CCDC122: variants seen among roughly 807,000 people sequenced by gnomAD.
The protein encoded by CCDC122 is coiled-coil domain-containing protein 122.
CCDC122 carries 38 observed loss-of-function variants against 37.0 expected under a neutral mutation model. That is an observed-to-expected ratio of 1.03 (90% CI 0.79 to 1.35). CCDC122 has a LOEUF of 1.35. Ranked by LOEUF, CCDC122 falls within the 40% of genes most tolerant of loss-of-function variation. CCDC122 has a pLI of 0.00. For synonymous variants in CCDC122, 83 were observed against 95.6 expected (o/e 0.87, Z 0.77); for missense variants, 305 against 310.0 (o/e 0.98, Z 0.12).
chr13:43,864,692 C>A (rs2153877029), intron 4 of CCDC122, among the ~76,000 whole-genome samples: 1 of 152,300 alleles, frequency 6.6e-6, no homozygotes, highest in African/African-American at 2.4e-5. Flanking sequence ...CCATCTCCAA[C>A]ACTAGGGATT....
At chr13:43,877,835 T>A (rs1954683438) in intron 1 of CCDC122, 1 of 152,168 alleles carries the variant, frequency 6.6e-6, no homozygotes, top group Non-Finnish European at 1.5e-5. Context: ...AAGCAAAACA[T>A]GCTCAGGCCT....
At chr13:43,871,862 T>C (rs1290764736) in intron 2 of CCDC122, among the ~76,000 whole-genome samples, 1 of 152,138 alleles carries the variant, frequency 6.6e-6, no homozygotes, top group African/African-American at 2.4e-5. Flanking sequence ...GGCCATAGAC[T>C]ATATAGGCTT....
At chr13:43,846,287 T>TG (rs1385669803) in intron 6 of CCDC122, among the ~76,000 whole-genome samples, 1 of 152,170 alleles carries the variant, frequency 6.6e-6, no homozygotes, top group Non-Finnish European at 1.5e-5. Flanking sequence ...TTGGCCAGGC[T>TG]GGTCTCAAAC....
rs778731992 is a variant in CCDC122, at chr13:43,859,966, T to C, written c.261A>G (p.Lys87=). The change falls in exon 5 of 7, where the codon AAA becomes AAG. Residue 87 remains lysine (K), a synonymous_variant. Transcript: ENST00000444614. ...GAGTTTCCAGGCTATCACAATGAAG[T>C]TTGGTATTCTCTATGGCAGAATCTT... ...YQQDSAIENT[K]LHCDSLETQI... is the part of the protein sequence containing the mutation. 1 of 1,610,776 alleles carries C rather than the reference T, an allele frequency of 6.2e-7. No homozygotes were observed. The highest frequency in any genetic ancestry group is 2.2e-5 in the East Asian group (1 of 44,668).
chr13:43,830,418 G>C (rs935686340), intron 3 of CCDC122, among the ~76,000 whole-genome samples: 3 of 152,162 alleles, frequency 2.0e-5, no homozygotes, highest in Non-Finnish European at 4.4e-5. Context: ...ATTCTTGAGC[G>C]AGTGATTTAT....
At chr13:43,821,828 G>T (rs1177797358), downstream of CCDC122, among the ~76,000 whole-genome samples, 2 of 152,054 alleles carry the variant, frequency 1.3e-5, no homozygotes, top group Admixed American at 6.6e-5. Context: ...ATTTCTTCTT[G>T]ATTCTTTTAA....
intron 6 of CCDC122, chr13:43,848,896 G>A (rs1953631265): frequency 1.0e-6 from 1 of 980,830 alleles, no homozygotes; most frequent in Admixed American, 6.1e-5. Context: ...ATAGAAAAAA[G>A]ACTCCAAAAA....
At chr13:43,847,348 C>T (rs1953577655) in intron 6 of CCDC122, among the ~76,000 whole-genome samples, 1 of 152,058 alleles carries the variant, frequency 6.6e-6, no homozygotes, top group Admixed American at 6.6e-5. Flanking sequence ...TAGAGAACAA[C>T]ATGTTAGAAG....
At chr13:43,871,807 T>A (rs1383881086) in intron 2 of CCDC122, among the ~76,000 whole-genome samples, 1 of 152,084 alleles carries the variant, frequency 6.6e-6, no homozygotes, top group Non-Finnish European at 1.5e-5. Context: ...CCACCATATT[T>A]CCTTTTCTTC....
At chr13:43,873,060 C>T (rs147115989) in intron 2 of CCDC122, among the ~76,000 whole-genome samples, 77 of 152,256 alleles carry the variant, frequency 5.1e-4, no homozygotes, top group African/African-American at 1.8e-3. Context: ...TTGATAATTA[C>T]TGCCTTCTTG....
intron 6 of CCDC122, among the ~76,000 whole-genome samples, chr13:43,846,398 G>A (rs1594825623): frequency 1.3e-5 from 2 of 152,188 alleles, no homozygotes; most frequent in South Asian, 2.1e-4. Context: ...TCCTCACATC[G>A]AGTAATGTTT....
At chr13:43,846,371 G>A (rs1036321015) in intron 6 of CCDC122, among the ~76,000 whole-genome samples, 10 of 152,172 alleles carry the variant, frequency 6.6e-5, no homozygotes, top group Non-Finnish European at 8.8e-5. Flanking sequence ...ACTGCGCCCG[G>A]CCAATATATT....
At chr13:43,829,225 C>G (rs1026339873) in intron 3 of CCDC122, among the ~76,000 whole-genome samples, 6 of 152,178 alleles carry the variant, frequency 3.9e-5, no homozygotes, top group African/African-American at 1.4e-4. Flanking sequence ...TGCTCTTCGT[C>G]TGCATCACAC....
At chr13:43,869,997 T>A (rs1468583686) in intron 2 of CCDC122, among the ~76,000 whole-genome samples, 2 of 152,260 alleles carry the variant, frequency 1.3e-5, no homozygotes, top group South Asian at 2.1e-4. Context: ...GAGGAATAAG[T>A]ATTTTTCTCC....
At position 43,841,067 on chromosome 13, in the gene CCDC122, G is replaced by A. The variant is rs572913117; in HGVS notation, c.673-3638C>T. Among the ~76,000 whole-genome samples the A allele has an allele frequency of 2.4e-3, 369 of 152,146 alleles. 2 individuals are homozygous for A. The highest frequency in any genetic ancestry group is 4.3e-3 in the African/African-American group (177 of 41,488). ...CCTGTTCATCTCACTGGGGAGTGTC[G>A]GACAGTGGGTGCAGGACAGTGGGTG... On this transcript the variant is annotated intron_variant, in intron 6 of 6. Transcript: ENST00000444614.
At chr13:43,840,503 A>G (rs1953312638) in intron 6 of CCDC122, among the ~76,000 whole-genome samples, 1 of 152,060 alleles carries the variant, frequency 6.6e-6, no homozygotes, top group South Asian at 2.1e-4. Context: ...AACATTAGGT[A>G]TATCTCCTAA....
In CCDC122 at chr13:43,859,708, A is replaced by G; in HGVS notation, c.519T>C (p.Leu173=). Residue 173 remains leucine, a synonymous_variant, in exon 5 of 7, where the codon CTT becomes CTC. Transcript: ENST00000444614. ...KTMKEELMQD[L]QNPGGNRITQ... ...TTATTCGGTTCCCTCCTGGATTTTG[A>G]AGATCTTGCATAAGTTCTTCTTTCA... 1.3e-6 allele frequency: 2 copies of G among 1,574,980 alleles called. No individual in the cohort carries two copies. The highest frequency in any genetic ancestry group is 1.4e-5 in the African/African-American group (1 of 72,654).
chr13:43,826,055 A>G (rs935408082), intron 3 of CCDC122, among the ~76,000 whole-genome samples: 2 of 152,242 alleles, frequency 1.3e-5, no homozygotes, highest in Admixed American at 1.3e-4. Flanking sequence ...CACTCTTTAA[A>G]AAACGCAAGT....
chr13:43,828,111 T>C (rs1229313343), intron 3 of CCDC122, among the ~76,000 whole-genome samples: 1 of 152,204 alleles, frequency 6.6e-6, no homozygotes, highest in Non-Finnish European at 1.5e-5. Flanking sequence ...AAGGCTTTTT[T>C]TCTTCTGACT....
Sources: gnomAD v4.1 joint callset for allele counts (sites outside exome capture counted in the v4.1 genomes callset) on GRCh38, gnomAD v4.1.1 for gene constraint, MANE v1.5 for transcripts, NCBI Gene and HGNC (gene_info 2026-07-23, HGNC 2026-07-21) for gene names.